The following ANKS1B variants were observed in gnomAD, a reference collection of about 807,000 sequenced individuals.
The protein encoded by ANKS1B is ankyrin repeat and sterile alpha motif domain containing 1B, also known as ankyrin repeat and sterile alpha motif domain-containing protein 1B.
A neutral mutation model predicts 148.3 loss-of-function variants in ANKS1B; 36 were observed. The observed-to-expected ratio is 0.24, with a 90% CI of 0.19 to 0.32. ANKS1B has a LOEUF of 0.32. Among genes scored for constraint, ANKS1B ranks in the 10% least tolerant of loss-of-function variants. The pLI, the probability that ANKS1B is intolerant of heterozygous loss-of-function variation, is 1.00. For missense variants in ANKS1B, 1,157 were observed against 1,542.6 expected (o/e 0.75, Z 4.19); for synonymous variants, 542 against 560.8 (o/e 0.97, Z 0.47).
At chr12:98,776,813 G>A (rs1265020069) in intron 24 of ANKS1B, among the ~76,000 whole-genome samples, 1 of 152,174 alleles carries the variant, frequency 6.6e-6, no homozygotes, top group Non-Finnish European at 1.5e-5. Context: ...ATGCCCTGTG[G>A]GGCACGTGAT....
At chr12:99,022,228 AC>A (rs1435058733) in intron 17 of ANKS1B, among the ~76,000 whole-genome samples, 1 of 152,122 alleles carries the variant, frequency 6.6e-6, no homozygotes, top group Non-Finnish European at 1.5e-5. Context: ...ATTCCATAAA[AC>A]TTCCCACAAC....
At chr12:99,279,013 G>A (rs1322091684) in intron 12 of ANKS1B, among the ~76,000 whole-genome samples, 1 of 152,134 alleles carries the variant, frequency 6.6e-6, no homozygotes, top group Non-Finnish European at 1.5e-5. Context: ...GACAAAGACT[G>A]TGGTTTTCTT....
intron 1 of ANKS1B, among the ~76,000 whole-genome samples, chr12:99,914,173 A>G (rs2094097726): frequency 6.6e-6 from 1 of 152,196 alleles, no homozygotes; most frequent in African/African-American, 2.4e-5. Context: ...AAACCCTAAT[A>G]AGACTGTTGG....
intron 16 of ANKS1B, among the ~76,000 whole-genome samples, chr12:99,064,791 C>G (rs775067486): frequency 2.6e-5 from 4 of 152,088 alleles, no homozygotes; most frequent in Non-Finnish European, 4.4e-5. Flanking sequence ...TAACATGGTC[C>G]TTGGGGTTGA....
chr12:99,675,224 T>C (rs980883767), intron 8 of ANKS1B, among the ~76,000 whole-genome samples: 7 of 152,012 alleles, frequency 4.6e-5, no homozygotes, highest in Admixed American at 3.3e-4. Context: ...CTTCTAGTTA[T>C]CTATACTAAG....
At chr12:99,560,474 T>C (rs1349331775) in intron 9 of ANKS1B, among the ~76,000 whole-genome samples, 3 of 152,194 alleles carry the variant, frequency 2.0e-5, no homozygotes, top group Non-Finnish European at 4.4e-5. Flanking sequence ...TCCCTAGCTG[T>C]GATCTTTAAA....
chr12:99,245,246 T>A (rs1413181751), intron 13 of ANKS1B, among the ~76,000 whole-genome samples: 3 of 152,092 alleles, frequency 2.0e-5, no homozygotes, highest in African/African-American at 4.8e-5. Flanking sequence ...AACTTAATTA[T>A]AAGATCTAAG....
At chr12:99,239,397 T>A (rs1187563806) in intron 14 of ANKS1B, among the ~76,000 whole-genome samples, 2 of 152,118 alleles carry the variant, frequency 1.3e-5, no homozygotes, top group African/African-American at 4.8e-5. Context: ...GAACAAAGCC[T>A]CCAAGAAATA....
At chr12:99,044,542 G>A (rs976584558) in intron 17 of ANKS1B, among the ~76,000 whole-genome samples, 1 of 152,112 alleles carries the variant, frequency 6.6e-6, no homozygotes, top group Non-Finnish European at 1.5e-5. Flanking sequence ...TGGGAATGAG[G>A]GAGGACAGCA....
At chr12:99,905,889 A>G (rs1162733799) in intron 1 of ANKS1B, among the ~76,000 whole-genome samples, 1 of 152,214 alleles carries the variant, frequency 6.6e-6, no homozygotes, top group Non-Finnish European at 1.5e-5. Flanking sequence ...TGGGGTTAGG[A>G]GAGCAACATA....
In ANKS1B at chr12:99,769,488, A is replaced by C. The variant is rs527614278; in HGVS notation, c.1128+3434T>G. On this transcript the variant is annotated intron_variant, in intron 8 of 26. Transcript: ENST00000683438. Reference sequence around the variant, plus strand: ...ACCACTTTTATTTTCCAAAAATGTCACTTTCAGGAGAACTCTCCTACACAA... The same window carrying C: ...ACCACTTTTATTTTCCAAAAATGTCCCTTTCAGGAGAACTCTCCTACACAA... Among the ~76,000 whole-genome samples the C allele has an allele frequency of 9.9e-4, 150 of 152,274 alleles. 1 individual carries two copies. The highest frequency in any genetic ancestry group is 2.4e-3 in the Admixed American group (37 of 15,300).
intron 25 of ANKS1B, 35 bp downstream of exon 25, chr12:98,773,007 A>C (rs766872246): frequency 6.2e-7 from 1 of 1,612,660 alleles, no homozygotes; most frequent in South Asian, 1.1e-5. Flanking sequence ...CATTCTGCAA[A>C]GTCTTTAATC....
chr12:99,860,870 CTA>C (rs2153717489), intron 1 of ANKS1B, among the ~76,000 whole-genome samples: 1 of 152,296 alleles, frequency 6.6e-6, no homozygotes, highest in East Asian at 1.9e-4. Flanking sequence ...GAAAGGATGG[CTA>C]TATCTTTCCT....
chr12:99,633,679 T>C (rs969158645), intron 9 of ANKS1B, among the ~76,000 whole-genome samples: 1 of 152,142 alleles, frequency 6.6e-6, no homozygotes, highest in African/African-American at 2.4e-5. Context: ...CAAAAGAAAC[T>C]ACCATCAGAG....
chr12:99,475,206 C>T (rs1041089322), intron 10 of ANKS1B, among the ~76,000 whole-genome samples: 2 of 149,814 alleles, frequency 1.3e-5, no homozygotes, highest in African/African-American at 4.9e-5. Flanking sequence ...GATCACACCA[C>T]TGCACTCCAG....
chr12:99,978,792 T>C (rs1168060617), intron 1 of ANKS1B, among the ~76,000 whole-genome samples: 5 of 152,208 alleles, frequency 3.3e-5, no homozygotes, highest in African/African-American at 7.2e-5. Flanking sequence ...GACCAGAAGA[T>C]TGTTTTGCTC....
intron 11 of ANKS1B, among the ~76,000 whole-genome samples, chr12:99,425,174 C>A (rs1162312271): frequency 1.3e-5 from 2 of 151,710 alleles, no homozygotes; most frequent in Admixed American, 6.6e-5. Flanking sequence ...AAACACACAC[C>A]CACAGTTGTA....
intron 9 of ANKS1B, among the ~76,000 whole-genome samples, chr12:99,543,722 AC>A (rs1412288627): frequency 6.6e-6 from 1 of 152,152 alleles, no homozygotes; most frequent in Non-Finnish European, 1.5e-5. Context: ...AACTTTAAAA[AC>A]ATTATGCTAA....
intron 8 of ANKS1B, among the ~76,000 whole-genome samples, chr12:99,760,076 C>A (rs1567795161): frequency 1.3e-5 from 2 of 151,894 alleles, no homozygotes; most frequent in South Asian, 2.1e-4. Context: ...AAGTTTACTG[C>A]CCTTAATAGA....
Sources: allele counts gnomAD v4.1 joint callset (sites outside exome capture counted in the v4.1 genomes callset), GRCh38; gene constraint gnomAD v4.1.1; transcripts MANE v1.5; gene names NCBI Gene and HGNC (gene_info 2026-07-23, HGNC 2026-07-21).